RNF207: variants seen among roughly 807,000 people sequenced by gnomAD.
RNF207 encodes ring finger protein 207.
RNF207 carries 72 observed loss-of-function variants against 79.0 expected under a neutral mutation model. That is an observed-to-expected ratio of 0.91 (90% CI 0.75 to 1.11). RNF207 has a LOEUF of 1.11. Ranked by LOEUF, RNF207 falls within the 50% of genes least tolerant of loss-of-function variation. The pLI, the probability that RNF207 is intolerant of heterozygous loss-of-function variation, is 0.00. For missense variants in RNF207, 936 were observed against 855.8 expected (o/e 1.09, Z -1.17); for synonymous variants, 348 against 366.2 (o/e 0.95, Z 0.57).
rs555422962 is a variant in RNF207 at position 6,207,220 on chromosome 1, G to A, written c.192-159G>A. 7.9e-5 allele frequency among the ~76,000 whole-genome samples: 12 copies of A among 152,322 alleles called. No individual in the cohort carries two copies. The South Asian group carries it at 2.3e-3, about 29-fold the overall frequency. On this transcript the variant is annotated intron_variant, in intron 2 of 17. Coordinates refer to ENST00000377939, the MANE Select transcript of RNF207 (RefSeq NM_207396.3). This position sits in a 1 kb window ranked among gnomAD's most constrained non-coding sequence, Gnocchi z 4.5. ...TGGGCAAGGGTAGGGACCAGGGCAG[G>A]GTGAGTGCTGGCTGTGATATTTATA...
chr1:6,216,855 A>G (rs1489993887), intron 16 of RNF207, among the ~76,000 whole-genome samples: 1 of 151,580 alleles, frequency 6.6e-6, no homozygotes, highest in Non-Finnish European at 1.5e-5. Flanking sequence ...GGCGTGAGCC[A>G]CTGCGCCGGG....
In RNF207 at chr1:6,209,455, G is replaced by A; in HGVS notation, c.669G>A (p.Ala223=). ...AGACGGCCACGCGGGAGGCCATCGC[G>A]CTGCTGCAGGCCATGGTGGAGGAGG... ...ALQTATREAI[A]LLQAMVEEVR... The change falls in exon 7 of 18, where the codon GCG becomes GCA. Residue 223 remains alanine (A), a synonymous_variant. Coordinates refer to ENST00000377939, the MANE Select transcript of RNF207 (RefSeq NM_207396.3). 10 of 1,513,816 alleles carry A rather than the reference G, an allele frequency of 6.6e-6. No homozygotes were observed. Among genetic ancestry groups the A allele is most frequent in the Non-Finnish European group, 7.9e-6 (9 of 1,136,156 alleles). The allele number at this position is 1,513,816 out of a possible 1,614,324, so 93.8% of individuals were successfully genotyped here. A position where few individuals can be genotyped will look rare whatever the true frequency, so the allele number is the denominator to read the frequency against.
chr1:6,218,227 C>G lies in RNF207; in HGVS notation c.1653-62C>G, dbSNP rs554627960. ...AGAGTCTGGTTCTGAGGTTTCTGAG[C>G]TTAAGGCCGTGCAGCAGCTGGCTCT... On this transcript the variant is annotated intron_variant, in intron 16 of 17. Transcript: ENST00000377939. 1.2e-3 allele frequency: 1,476 copies of G among 1,185,180 alleles called. 3 individuals carry two copies. Among genetic ancestry groups the G allele is most frequent in the Non-Finnish European group, 1.7e-3 (1,346 of 792,962 alleles). The allele number at this position is 1,185,180 out of a possible 1,614,324, so 73.4% of individuals were successfully genotyped here. A position where few individuals can be genotyped will look rare whatever the true frequency, so the allele number is the denominator to read the frequency against.
At chr1:6,208,234 AG>A (rs1373928608) in intron 3 of RNF207, 2 of 142,316 alleles carry the variant, frequency 1.4e-5, no homozygotes, top group Non-Finnish European at 2.9e-5. Flanking sequence ...CCAGATGGCC[AG>A]GGTGTACACC....
rs1379149418 is a variant in RNF207, at chr1:6,217,102, TA to T, written c.1653-1185del. Among the ~76,000 whole-genome samples the T allele has an allele frequency of 6.6e-6, 1 of 152,148 alleles. No homozygotes were observed. The highest frequency in any genetic ancestry group is 1.9e-4 in the East Asian group (1 of 5,180). On this transcript the variant is annotated intron_variant, in intron 16 of 17. Transcript: ENST00000377939. The surrounding 1 kb of genome is among the most constrained non-coding windows in gnomAD (Gnocchi z 4.2). Reference sequence around the variant, plus strand: ...CAAAGATGGTCTCCAACTCCTGGGCTAAGTGATCCTCCCACCTCAGCCTTCC... The same window carrying T: ...CAAAGATGGTCTCCAACTCCTGGGCTAGTGATCCTCCCACCTCAGCCTTCC...
At chr1:6,216,382 C>T (rs1420834674) in intron 16 of RNF207, among the ~76,000 whole-genome samples, 3 of 152,162 alleles carry the variant, frequency 2.0e-5, no homozygotes. Context: ...GGCTCTGCTC[C>T]TCTTCAGAGC....
At position 6,211,062 on chromosome 1, in the gene RNF207, G is replaced by T; in HGVS notation, c.1053G>T (p.Glu351Asp). Reference protein sequence around the residue: ...DHRAEFARCLEPLLLLGPRRV... With the variant: ...DHRAEFARCLDPLLLLGPRRV... ...GAGCTGAATTCGCGCGCTGTCTGGA[G>T]CCACTGCTGCTGCTGGGGCCACGTC... The change falls in exon 12 of 18, where the codon GAG (glutamate) becomes GAT (aspartate). Residue 351 changes from glutamate (E) to aspartate (D), a missense_variant. Glu to Asp is a conservative substitution (Grantham distance 45). Coordinates refer to ENST00000377939, the MANE Select transcript of RNF207 (RefSeq NM_207396.3). This position sits in a 1 kb window ranked among gnomAD's most constrained non-coding sequence, Gnocchi z 4.2. 6.2e-7 allele frequency: 1 copy of T among 1,608,104 alleles called. No homozygotes were observed. The highest frequency in any genetic ancestry group is 8.5e-7 in the Non-Finnish European group (1 of 1,179,268).
intron 16 of RNF207, among the ~76,000 whole-genome samples, chr1:6,216,357 G>C (rs1028661513): frequency 2.0e-5 from 3 of 152,130 alleles, no homozygotes; most frequent in African/African-American, 7.2e-5. Flanking sequence ...TGGAGGTTTC[G>C]GGCAAGGTGG....
chr1:6,206,592 C>T lies in RNF207; in HGVS notation c.57C>T (p.Ser19=). Residue 19 remains serine (S), a synonymous_variant, in exon 2 of 18, where the codon AGC becomes AGT. Coordinates refer to ENST00000377939, the MANE Select transcript of RNF207 (RefSeq NM_207396.3). ...GCCCGAGCTCCCTGGATGCCCCGAG[C>T]ATCCACCCGCTGGTGTGCCCGCTGT... ...LEGPSSLDAP[S]IHPLVCPLCH... 4.4e-6 allele frequency: 7 copies of T among 1,604,666 alleles called. No individual in the cohort carries two copies. Among genetic ancestry groups the T allele is most frequent in the Non-Finnish European group, 5.1e-6 (6 of 1,179,540 alleles).
In RNF207 at chr1:6,209,931, T is replaced by A; in HGVS notation, c.761T>A (p.Leu254Gln). ...GCTCGCCATCTCTCCCAGGACAGGCTGGCAGAGAGGAAAGCGCTGCTGCTG... is the reference window on the plus strand; with the variant it reads ...GCTCGCCATCTCTCCCAGGACAGGCAGGCAGAGAGGAAAGCGCTGCTGCTG... ...HALFGSMQDR[L>Q]AERKALLLQA... Residue 254 changes from leucine to glutamine, a missense_variant, in exon 8 of 18, where the codon CTG becomes CAG. Leu to Gln is a moderately radical substitution (Grantham distance 113). Coordinates refer to ENST00000377939, the MANE Select transcript of RNF207 (RefSeq NM_207396.3). The A allele has an allele frequency of 6.3e-7, 1 of 1,591,312 alleles. No individual in the cohort carries two copies. Among genetic ancestry groups the A allele is most frequent in the South Asian group, 1.1e-5 (1 of 88,474 alleles).
rs747328343 is a variant in RNF207, at chr1:6,209,545, G to A, written c.753+6G>A. On this transcript the variant is annotated splice_donor_region_variant and intron_variant, in intron 7 of 17. Transcript: ENST00000377939. ...CCCTCTTCGGCAGCATGCAGGTGAGGGGTGGGGGTTGGGGGATAAACGACC... is the reference window on the plus strand; with the variant it reads ...CCCTCTTCGGCAGCATGCAGGTGAGAGGTGGGGGTTGGGGGATAAACGACC... The A allele has an allele frequency of 6.9e-7, 1 of 1,454,490 alleles. No homozygotes were observed. Among genetic ancestry groups the A allele is most frequent in the Non-Finnish European group, 9.0e-7 (1 of 1,112,222 alleles). The allele number at this position is 1,454,490 out of a possible 1,614,324, so 90.1% of individuals were successfully genotyped here. A position where few individuals can be genotyped will look rare whatever the true frequency, so the allele number is the denominator to read the frequency against.
chr1:6,206,438 C>A lies in RNF207; in HGVS notation c.1-98C>A, dbSNP rs1012976112. 9 of 847,044 alleles carry A rather than the reference C, an allele frequency of 1.1e-5. No individual in the cohort carries two copies. In the Admixed American group the frequency reaches 1.4e-4, roughly 14 times the overall value. The allele number at this position is 847,044 out of a possible 1,614,324, so 52.5% of individuals were successfully genotyped here. A position where few individuals can be genotyped will look rare whatever the true frequency, so the allele number is the denominator to read the frequency against. ...CTCTGGACGCCCAGTCGGGTCCAGG[C>A]GCGATAGGGAGGGCGCGGGCGCCCG... On this transcript the variant is annotated intron_variant, in intron 1 of 17. Coordinates refer to ENST00000377939, the MANE Select transcript of RNF207 (RefSeq NM_207396.3).
chr1:6,206,450 G>GGC (rs1266960061), intron 1 of RNF207, 86 bp from the exon 2 acceptor site: 1 of 1,009,284 alleles, frequency 9.9e-7, no homozygotes. Context: ...CGATAGGGAG[G>GGC]GCGCGGGCGC....
intron 10 of RNF207, 61 bp from the exon 11 acceptor site, chr1:6,210,809 C>A: frequency 1.4e-6 from 2 of 1,442,076 alleles, no homozygotes; most frequent in South Asian, 2.4e-5. Flanking sequence ...CTCCATCTCC[C>A]CTCTTCCTGC....
intron 14 of RNF207, 42 bp downstream of exon 14, chr1:6,212,458 G>A (rs2100936720): frequency 6.5e-7 from 1 of 1,548,056 alleles, no homozygotes; most frequent in Non-Finnish European, 8.8e-7. Flanking sequence ...CACCTGTCAG[G>A]GGATACCTGG....
chr1:6,206,603 T>C lies in RNF207; in HGVS notation c.68T>C (p.Leu23Pro), dbSNP rs1421131881. 6.2e-7 allele frequency: 1 copy of C among 1,606,560 alleles called. No individual in the cohort carries two copies. The highest frequency in any genetic ancestry group is 1.7e-5 in the Admixed American group (1 of 59,990). Reference sequence around the variant, plus strand: ...CTGGATGCCCCGAGCATCCACCCGCTGGTGTGCCCGCTGTGCCACGTGCAG... The same window carrying C: ...CTGGATGCCCCGAGCATCCACCCGCCGGTGTGCCCGCTGTGCCACGTGCAG... ...SSLDAPSIHPLVCPLCHVQYE... is the reference protein window; with the variant it reads ...SSLDAPSIHPPVCPLCHVQYE... Residue 23 changes from leucine to proline, a missense_variant, in exon 2 of 18, where the codon CTG becomes CCG. Transcript: ENST00000377939.
Position 6,206,867 on chromosome 1 carries a change from C to G in RNF207, c.191+141C>G, listed in dbSNP as rs1667928419. 1.1e-5 allele frequency: 7 copies of G among 658,168 alleles called. No homozygotes were observed. In the South Asian group the frequency reaches 1.4e-4, roughly 13 times the overall value. 40.8% of individuals were successfully genotyped at this position (658,168 alleles called of 1,614,324 possible). A position where few individuals can be genotyped will look rare whatever the true frequency, so the allele number is the denominator to read the frequency against. On this transcript the variant is annotated intron_variant, in intron 2 of 17. Transcript: ENST00000377939. ...ACGACTGGGAGATACTGCACCCGGT[C>G]CTTAGCTCTCCCCGCCAGAAGTTGC...
At chr1:6,215,180 C>A (rs2100942818) in intron 16 of RNF207, among the ~76,000 whole-genome samples, 1 of 152,232 alleles carries the variant, frequency 6.6e-6, no homozygotes, top group South Asian at 2.1e-4. Flanking sequence ...AGGCATGCGC[C>A]ACCACGCCCG....
Position 6,212,233 on chromosome 1 carries a change from C to T in RNF207, c.1299C>T (p.His433=), listed in dbSNP as rs1490807400. 1.2e-6 allele frequency: 2 copies of T among 1,611,518 alleles called. No individual in the cohort carries two copies. Among genetic ancestry groups the T allele is most frequent in the Non-Finnish European group, 1.7e-6 (2 of 1,178,768 alleles). Residue 433 remains histidine, a splice_region_variant and synonymous_variant, in exon 14 of 18, where the codon CAC becomes CAT. Coordinates refer to ENST00000377939, the MANE Select transcript of RNF207 (RefSeq NM_207396.3). ...TCTCACACAGCCTCTCTGTGCAGCA[C>T]CTGCAGGCAGAGATGCAGAGCCTAA... ...HCRHYEDSYR[H]LQAEMQSLKD...
Sources: gnomAD v4.1 joint callset for allele counts (sites outside exome capture counted in the v4.1 genomes callset) on GRCh38, gnomAD v4.1.1 for gene constraint, Gnocchi (gnomAD v3.1) non-coding constraint, MANE v1.5 for transcripts, NCBI Gene and HGNC (gene_info 2026-07-23, HGNC 2026-07-21) for gene names.